Variants in TAF5L observed in about 807,000 individuals in gnomAD.
The protein encoded by TAF5L is TATA-box binding protein associated factor 5 like.
A neutral mutation model predicts 51.3 loss-of-function variants in TAF5L; 7 were observed. That is an observed-to-expected ratio of 0.14 (90% CI 0.08 to 0.26). The LOEUF is 0.26. Among genes scored for constraint, TAF5L ranks in the 10% least tolerant of loss-of-function variants. The probability of loss-of-function intolerance (pLI) is 1.00; values close to 1 mark genes in which losing one functional copy is unlikely to be tolerated. For synonymous variants in TAF5L, 291 were observed against 308.1 expected, an observed-to-expected ratio of 0.94 and a Z score of 0.58; for missense variants, 575 against 758.9, an observed-to-expected ratio of 0.76 and a Z score of 2.85.
intron 3 of TAF5L, chr1:229,606,960 A>C: frequency 1.0e-6 from 1 of 985,410 alleles, no homozygotes; most frequent in Non-Finnish European, 1.2e-6. Flanking sequence ...AGATTTTATC[A>C]CTTCTTAAGA....
intron 4 of TAF5L, chr1:229,601,572 G>C (rs1664373689): frequency 1.0e-6 from 1 of 985,818 alleles, no homozygotes; most frequent in South Asian, 4.7e-5. Flanking sequence ...ATTGAACACT[G>C]ACTGACGGGG....
chr1:229,622,018 CATCTATCTATCTATCTATCT>C lies in TAF5L; in HGVS notation c.-4+3847_-4+3866del, dbSNP rs10578192. On this transcript the variant is annotated intron_variant, in intron 1 of 4. Coordinates refer to ENST00000258281, the Ensembl canonical transcript of TAF5L. ...AGCAGAACTTCTTTTCATTCATCAT[CATCTATCTATCTATCTATCT>C]ATCTATCTATCTATCTATCTATCTA... 5.7e-3 allele frequency among the ~76,000 whole-genome samples: 855 copies of C among 149,054 alleles called. 13 individuals carry two copies. In the East Asian group the frequency reaches 0.079, roughly 14 times the overall value.
At chr1:229,601,112 T>C (rs1664355293) in intron 4 of TAF5L, 1 of 985,130 alleles carries the variant, frequency 1.0e-6, no homozygotes. Context: ...TCTAGACTCT[T>C]CACTCATCAC....
rs201300961 is a variant in TAF5L at position 229,594,913 on chromosome 1, T to C, written c.1154A>G (p.Tyr385Cys). The change falls in exon 5 of 5, where the codon TAT (tyrosine) becomes TGT (cysteine). Residue 385 changes from tyrosine to cysteine, a missense_variant. Around this residue, in one of 3 missense-constraint regions of TAF5L, gnomAD observed 104 missense variants for 218.3 expected, o/e 0.48. Coordinates refer to ENST00000258281, the Ensembl canonical transcript of TAF5L. The surrounding 1 kb of genome is among the most constrained non-coding windows in gnomAD (Gnocchi z 7.9). ...ACTGATGTCCAGATCCCACACAGGA[T>C]AGGCATGTCCTTGGTACAACACAGT... 34 of 1,614,084 alleles carry C rather than the reference T, an allele frequency of 2.1e-5. No homozygotes were observed. In the Middle Eastern group the frequency reaches 4.9e-4, roughly 23 times the overall value.
At chr1:229,595,332 T>A (rs919695613) in intron 4 of TAF5L, among the ~76,000 whole-genome samples, 3 of 152,222 alleles carry the variant, frequency 2.0e-5, no homozygotes, top group Non-Finnish European at 2.9e-5. Context: ...ACCTTGCAGC[T>A]CAGACTATAT....
At chr1:229,597,765 A>C (rs889422415) in intron 4 of TAF5L, among the ~76,000 whole-genome samples, 1 of 152,256 alleles carries the variant, frequency 6.6e-6, no homozygotes, top group African/African-American at 2.4e-5. Context: ...TGAAATAGAA[A>C]TTTAACAAGA....
rs1259633929 is a variant in TAF5L, at chr1:229,625,916, C to T, written c.-35G>A. On this transcript the variant is annotated 5_prime_UTR_variant, in exon 1 of 5. Coordinates refer to ENST00000258281, the Ensembl canonical transcript of TAF5L. The surrounding 1 kb of genome is among the most constrained non-coding windows in gnomAD (Gnocchi z 4.0). ...TCCCAGGCGGCTCCGGCTCCCCCCG[C>T]CGCCGCCGCCTCCGGGATCGGGTTG... 1 of 148,310 alleles carries T rather than the reference C, an allele frequency of 6.7e-6. No individual in the cohort carries two copies. The highest frequency in any genetic ancestry group is 1.5e-5 in the Non-Finnish European group (1 of 66,380). The allele number at this position is 148,310 out of a possible 1,614,324, so 9.2% of individuals were successfully genotyped here.
At chr1:229,598,106 TAGAAC>T (rs1293409824) in intron 4 of TAF5L, among the ~76,000 whole-genome samples, 1 of 152,194 alleles carries the variant, frequency 6.6e-6, no homozygotes, top group Non-Finnish European at 1.5e-5. Flanking sequence ...CAGCCTGAAC[TAGAAC>T]AGAAAAGTTG....
At chr1:229,619,720 T>C (rs961055276) in intron 1 of TAF5L, among the ~76,000 whole-genome samples, 1 of 152,144 alleles carries the variant, frequency 6.6e-6, no homozygotes, top group Non-Finnish European at 1.5e-5. Context: ...CTTTTTGATC[T>C]AACCAGTCAC....
At chr1:229,600,563 T>A (rs1180933407) in intron 4 of TAF5L, 16 of 985,394 alleles carry the variant, frequency 1.6e-5, no homozygotes, top group Non-Finnish European at 1.9e-5. Context: ...ATGTCTCCTT[T>A]GCCACTGCCA....
intron 3 of TAF5L, among the ~76,000 whole-genome samples, chr1:229,608,893 AC>A (rs1452488629): frequency 6.6e-6 from 1 of 152,124 alleles, no homozygotes; most frequent in African/African-American, 2.4e-5. Flanking sequence ...GGTCCCAGCT[AC>A]TCAGGAGGCC....
chr1:229,596,265 C>A (rs1313913728), intron 4 of TAF5L, among the ~76,000 whole-genome samples: 1 of 152,116 alleles, frequency 6.6e-6, no homozygotes, highest in Non-Finnish European at 1.5e-5. Context: ...CAGAGCAAGA[C>A]CCTGTGCCCA....
chr1:229,611,715 C>A (rs12564110), intron 2 of TAF5L, among the ~76,000 whole-genome samples: 1 of 152,088 alleles, frequency 6.6e-6, no homozygotes, highest in Non-Finnish European at 1.5e-5. Flanking sequence ...CACTGGACTG[C>A]GTCTTTTAAC....
Position 229,602,551 on chromosome 1 carries a change from C to G in TAF5L, c.616G>C (p.Asp206His). 1 of 1,614,218 alleles carries G rather than the reference C, an allele frequency of 6.2e-7. No homozygotes were observed. Among genetic ancestry groups the G allele is most frequent in the Non-Finnish European group, 8.5e-7 (1 of 1,180,042 alleles). The change falls in exon 4 of 5, where the codon GAC (aspartate) becomes CAC (histidine). Residue 206 changes from aspartate (D) to histidine (H), a missense_variant. By Grantham distance (81) the Asp-to-His change is moderately conservative. Around this residue, in one of 3 missense-constraint regions of TAF5L, gnomAD observed 380 missense variants for 443.7 expected, o/e 0.86. Transcript: ENST00000258281. The surrounding 1 kb of genome is among the most constrained non-coding windows in gnomAD (Gnocchi z 4.6). Reference sequence around the variant, plus strand: ...CTGCCACTGGCATACAGCTGATAGTCTGTTCTCTTGGCAGGCTGCACGTCA... The same window carrying G: ...CTGCCACTGGCATACAGCTGATAGTGTGTTCTCTTGGCAGGCTGCACGTCA...
rs150144357 is a variant in TAF5L at position 229,605,949 on chromosome 1, G to C, written c.248-3030C>G. Among the ~76,000 whole-genome samples the C allele has an allele frequency of 2.9e-3, 441 of 152,278 alleles. 6 individuals carry two copies. The highest frequency in any genetic ancestry group is 0.01 in the African/African-American group (432 of 41,542). On this transcript the variant is annotated intron_variant, in intron 3 of 4. Coordinates refer to ENST00000258281, the Ensembl canonical transcript of TAF5L. Reference sequence around the variant, plus strand: ...CTGTTTCTTTCGAGAACTGTGACTAGATTTTGGTTTTTCTTTTCCCTTTGT... The same window carrying C: ...CTGTTTCTTTCGAGAACTGTGACTACATTTTGGTTTTTCTTTTCCCTTTGT...
chr1:229,622,018 C>CT (rs1249421289), intron 1 of TAF5L, among the ~76,000 whole-genome samples: 9 of 149,054 alleles, frequency 6.0e-5, no homozygotes, highest in African/African-American at 1.5e-4. Flanking sequence ...CATTCATCAT[C>CT]ATCTATCTAT....
intron 4 of TAF5L, chr1:229,600,023 C>T (rs1210896921): frequency 1.0e-6 from 1 of 985,080 alleles, no homozygotes; most frequent in Non-Finnish European, 1.2e-6. Context: ...GAGTTTGTGG[C>T]TCCTGTATTA....
At position 229,614,382 on chromosome 1, in the gene TAF5L, C is replaced by T. The variant is rs1254466403; in HGVS notation, c.101G>A (p.Arg34Gln). The T allele has an allele frequency of 1.1e-5, 18 of 1,614,112 alleles. No individual in the cohort carries two copies. Among genetic ancestry groups the T allele is most frequent in the Non-Finnish European group, 1.2e-5 (14 of 1,180,048 alleles). Residue 34 changes from arginine (R) to glutamine (Q), a missense_variant, in exon 2 of 5, where the codon CGG (arginine) becomes CAG (glutamine). Transcript: ENST00000258281. The stretch of plus-strand genomic sequence containing the variant: ...CATCTCTTCAGCAGTCTGTGACAGC[C>T]GCAGTCCTTGCTTCAGGGGACCATC...
intron 3 of TAF5L, among the ~76,000 whole-genome samples, chr1:229,605,128 A>ATATATATATATATATATATATATATTTTT (rs1340196774): frequency 2.1e-5 from 3 of 145,092 alleles, no homozygotes; most frequent in African/African-American, 7.8e-5. Context: ...ATATATATGT[A>ATATATATATATATATATATATATATTTTT]TTTTTTTTTT....
Sources: allele counts gnomAD v4.1 joint callset (sites outside exome capture counted in the v4.1 genomes callset), GRCh38; gene constraint gnomAD v4.1.1; regional missense constraint gnomAD v4.1.1; non-coding constraint Gnocchi (gnomAD v3.1); transcripts MANE v1.5; gene names NCBI Gene and HGNC (gene_info 2026-07-23, HGNC 2026-07-21).